The following NCAPG variants were observed in gnomAD, a reference collection of about 807,000 sequenced individuals.
NCAPG encodes the protein non-SMC condensin I complex subunit G, also known as condensin complex subunit 3.
A neutral mutation model predicts 113.1 loss-of-function variants in NCAPG; 69 were observed. That is an observed-to-expected ratio of 0.61 (90% CI 0.50 to 0.75). NCAPG has a LOEUF of 0.75. Ranked by LOEUF, NCAPG falls within the 30% of genes least tolerant of loss-of-function variation. The pLI is 0.00. For synonymous variants in NCAPG, 370 were observed against 415.8 expected (o/e 0.89, Z 1.34); for missense variants, 1,058 against 1,177.0 (o/e 0.90, Z 1.48).
At chr4:17,816,854 G>A (rs147500265) in intron 5 of NCAPG, among the ~76,000 whole-genome samples, 269 of 152,174 alleles carry the variant, frequency 1.8e-3, no homozygotes, top group African/African-American at 6.1e-3. Context: ...TGCTTAGTTG[G>A]CTGGGCGCTA....
chr4:17,837,582 T>A (rs1722153385), intron 15 of NCAPG, 45 bp from the exon 16 acceptor site: 1 of 1,561,088 alleles, frequency 6.4e-7, no homozygotes, highest in East Asian at 2.3e-5. Context: ...TTTTCTCTCA[T>A]CAAATAATGT....
chr4:17,834,609 G>C (rs75699967), intron 14 of NCAPG, 86 bp downstream of exon 14: 148,610 of 891,988 alleles, frequency 0.17, 14,094 homozygotes, highest in African/African-American at 0.33. Flanking sequence ...ATTTATTATA[G>C]TTTAAGTCCT....
chr4:17,843,200 A>T, intron 20 of NCAPG, 102 bp from the exon 21 acceptor site: 1 of 1,272,070 alleles, frequency 7.9e-7, no homozygotes, highest in Non-Finnish European at 1.1e-6. Flanking sequence ...GCTATCAATT[A>T]AACACTGATA....
intron 7 of NCAPG, among the ~76,000 whole-genome samples, chr4:17,821,552 C>A (rs530154323): frequency 6.7e-6 from 1 of 150,046 alleles, no homozygotes; most frequent in African/African-American, 2.4e-5. Context: ...CAGCCTCTGC[C>A]TCCCAGGTTC....
Position 17,811,016 on chromosome 4 carries a change from T to A in NCAPG, c.-62T>A. 3 of 1,040,044 alleles carry A rather than the reference T, an allele frequency of 2.9e-6. No homozygotes were observed. The highest frequency in any genetic ancestry group is 2.7e-6 in the Non-Finnish European group (2 of 741,376). 64.4% of individuals were successfully genotyped at this position (1,040,044 alleles called of 1,614,324 possible). A position where few individuals can be genotyped will look rare whatever the true frequency, so the allele number is the denominator to read the frequency against. ...TACTCGGAGAGCGCTGCCTCTGGGTTGGCGGGCTGGCAGGCTGTAGCCGAG... is the reference window on the plus strand; with the variant it reads ...TACTCGGAGAGCGCTGCCTCTGGGTAGGCGGGCTGGCAGGCTGTAGCCGAG... On this transcript the variant is annotated 5_prime_UTR_variant, in exon 1 of 21. Transcript: ENST00000251496. The surrounding 1 kb of genome is among the most constrained non-coding windows in gnomAD (Gnocchi z 5.3).
chr4:17,833,237 G>C (rs1195097774), intron 13 of NCAPG, among the ~76,000 whole-genome samples: 2 of 151,772 alleles, frequency 1.3e-5, no homozygotes, highest in Non-Finnish European at 2.9e-5. Context: ...CAGGCATGGT[G>C]GTATGTGCCT....
chr4:17,818,893 A>G (rs1184753679), intron 7 of NCAPG, among the ~76,000 whole-genome samples: 3 of 152,258 alleles, frequency 2.0e-5, no homozygotes, highest in Admixed American at 2.0e-4. Context: ...ATACAGAGGT[A>G]TAAGGAATAA....
chr4:17,843,570 A>T lies in NCAPG; in HGVS notation c.*145A>T. Reference sequence around the variant, plus strand: ...GCGCTTCCACGTTACTTTGGCCTGTATTAAAGCAGTAGAGCAGCATCAGTT... The same window carrying T: ...GCGCTTCCACGTTACTTTGGCCTGTTTTAAAGCAGTAGAGCAGCATCAGTT... On this transcript the variant is annotated 3_prime_UTR_variant, in exon 21 of 21. Transcript: ENST00000251496. The T allele has an allele frequency of 1.2e-6, 1 of 820,110 alleles. No individual in the cohort carries two copies. Among genetic ancestry groups the T allele is most frequent in the Non-Finnish European group, 1.9e-6 (1 of 526,006 alleles). 50.8% of individuals were successfully genotyped at this position (820,110 alleles called of 1,614,324 possible).
In NCAPG at chr4:17,823,703, C is replaced by A; in HGVS notation, c.1316C>A (p.Ser439Tyr). 1 of 1,609,056 alleles carries A rather than the reference C, an allele frequency of 6.2e-7. No individual in the cohort carries two copies. The highest frequency in any genetic ancestry group is 1.1e-5 in the South Asian group (1 of 90,898). ...CTTATTTTACCCACAATCCCAATAT[C>A]CCTGGTTTCTTTTCTTGTTGAAAGA... ...EILILPTIPI[S>Y]LVSFLVERLL... Residue 439 changes from serine (S) to tyrosine (Y), a missense_variant, in exon 9 of 21, where the codon TCC becomes TAC. Transcript: ENST00000251496.
rs1010261307 is a variant in NCAPG at position 17,818,207 on chromosome 4, A to C, written c.1118+119A>C. On this transcript the variant is annotated intron_variant, in intron 7 of 20. Transcript: ENST00000251496. ...TATGTTAAAAATCCTTTTTTTGTAC[A>C]TGTAGGGATAGTTATATACATCGAG... 6.7e-6 allele frequency: 7 copies of C among 1,038,276 alleles called. No individual in the cohort carries two copies. The Admixed American group carries it at 1.0e-4, about 15-fold the overall frequency. The allele number at this position is 1,038,276 out of a possible 1,614,324, so 64.3% of individuals were successfully genotyped here.
chr4:17,838,487 C>T (rs1722193630), intron 16 of NCAPG, among the ~76,000 whole-genome samples: 1 of 152,120 alleles, frequency 6.6e-6, no homozygotes, highest in African/African-American at 2.4e-5. Context: ...CACTTCATGA[C>T]TTGAGACAAG....
At chr4:17,830,553 C>CTTTTTT (rs770223582) in intron 12 of NCAPG, among the ~76,000 whole-genome samples, 20,052 of 136,658 alleles carry the variant, frequency 0.15, 1,610 homozygotes, top group South Asian at 0.23. Context: ...ACTAGTTTCA[C>CTTTTTT]TTTTTTTTTT....
intron 5 of NCAPG, among the ~76,000 whole-genome samples, chr4:17,816,385 A>T (rs1049167746): frequency 6.6e-6 from 1 of 152,188 alleles, no homozygotes; most frequent in Admixed American, 6.5e-5. Context: ...AACAGGCCAC[A>T]GACTGGTACT....
chr4:17,817,129 A>C (rs1197631675), intron 5 of NCAPG, 132 bp from the exon 6 acceptor site: 1 of 631,408 alleles, frequency 1.6e-6, no homozygotes, highest in Non-Finnish European at 2.7e-6. Flanking sequence ...ATATATATAC[A>C]TGCTTAGTTG....
intron 16 of NCAPG, among the ~76,000 whole-genome samples, chr4:17,838,719 G>A (rs1267462841): frequency 6.6e-6 from 1 of 152,126 alleles, no homozygotes; most frequent in Admixed American, 6.6e-5. Context: ...CAACACTGGG[G>A]GTAGATTATA....
chr4:17,837,571 T>G (rs1722152825), intron 15 of NCAPG, 56 bp from the exon 16 acceptor site: 2 of 1,543,526 alleles, frequency 1.3e-6, no homozygotes, highest in Non-Finnish European at 8.8e-7. Flanking sequence ...AATTTCATAC[T>G]TTTTCTCTCA....
intron 14 of NCAPG, 109 bp from the exon 15 acceptor site, chr4:17,837,050 C>A: frequency 2.3e-6 from 2 of 876,952 alleles, no homozygotes; most frequent in South Asian, 2.0e-5. Context: ...TGTAATAACT[C>A]GAATGGTTTT....
At chr4:17,825,120 C>A in intron 10 of NCAPG, 63 bp downstream of exon 10, 2 of 1,218,520 alleles carry the variant, frequency 1.6e-6, no homozygotes, top group South Asian at 1.3e-5. Context: ...TCTATTCTTT[C>A]CTCTTGCTGT....
intron 13 of NCAPG, among the ~76,000 whole-genome samples, chr4:17,832,516 A>T (rs771050683): frequency 6.6e-6 from 1 of 152,166 alleles, no homozygotes; most frequent in African/African-American, 2.4e-5. Context: ...GATAGGATGA[A>T]ATAAGGAGTT....
Sources: gnomAD v4.1 joint callset for allele counts (sites outside exome capture counted in the v4.1 genomes callset) on GRCh38, gnomAD v4.1.1 for gene constraint, Gnocchi (gnomAD v3.1) non-coding constraint, MANE v1.5 for transcripts, NCBI Gene and HGNC (gene_info 2026-07-23, HGNC 2026-07-21) for gene names.